The following TMC2 variants were observed in gnomAD, a reference collection of about 807,000 sequenced individuals.
TMC2 encodes transmembrane channel-like protein 2.
A neutral mutation model predicts 105.9 loss-of-function variants in TMC2; 102 were observed. The observed-to-expected ratio is 0.96, with a 90% CI of 0.82 to 1.14. The LOEUF is 1.14. TMC2 is among the 50% of genes most tolerant of loss of function. TMC2 has a pLI of 0.00. For missense variants in TMC2, 1,093 were observed against 1,134.3 expected (o/e 0.96, Z 0.52); for synonymous variants, 402 against 422.8 (o/e 0.95, Z 0.60).
At chr20:2,570,591 A>G (rs1245513780) in intron 4 of TMC2, among the ~76,000 whole-genome samples, 2 of 152,200 alleles carry the variant, frequency 1.3e-5, no homozygotes, top group East Asian at 3.8e-4. Flanking sequence ...CAATCTACAG[A>G]TTCAATGCTA....
In TMC2 at chr20:2,579,906, T is replaced by C. The variant is rs780917189; in HGVS notation, c.728-44T>C. ...ATAAAGTGCTCAATAGTGTCCATTT[T>C]TTCCTTCTGCAGCACTCATACCCAC... On this transcript the variant is annotated intron_variant, in intron 6 of 19. Coordinates refer to ENST00000358864, the MANE Select transcript of TMC2 (RefSeq NM_080751.3). The C allele has an allele frequency of 3.0e-6, 4 of 1,352,990 alleles. No homozygotes were observed. In the African/African-American group the frequency reaches 4.3e-5, roughly 15 times the overall value. The allele number at this position is 1,352,990 out of a possible 1,614,324, so 83.8% of individuals were successfully genotyped here. A position where few individuals can be genotyped will look rare whatever the true frequency, so the allele number is the denominator to read the frequency against.
chr20:2,580,387 T>C (rs2086180933), intron 7 of TMC2, among the ~76,000 whole-genome samples: 1 of 152,190 alleles, frequency 6.6e-6, no homozygotes, highest in South Asian at 2.1e-4. Context: ...AATACTTTGT[T>C]CCTTAATTAG....
chr20:2,625,259 G>A (rs2086556003), intron 17 of TMC2, among the ~76,000 whole-genome samples: 1 of 152,200 alleles, frequency 6.6e-6, no homozygotes, highest in South Asian at 2.1e-4. Context: ...AATGAGTACA[G>A]ACAACCATGT....
chr20:2,605,149 G>T (rs1317342355), intron 11 of TMC2, among the ~76,000 whole-genome samples: 1 of 152,118 alleles, frequency 6.6e-6, no homozygotes, highest in Non-Finnish European at 1.5e-5. Flanking sequence ...GAATTGAATT[G>T]AATTTTACGC....
chr20:2,592,547 T>G lies in TMC2; in HGVS notation c.933+139T>G. ...ATCCCAGCACTAAGCTAAATGAGCT[T>G]GCAAACCATGTCTCTGCACAGTCTT... On this transcript the variant is annotated intron_variant, in intron 8 of 19. Coordinates refer to ENST00000358864, the MANE Select transcript of TMC2 (RefSeq NM_080751.3). The surrounding 1 kb of genome is among the most constrained non-coding windows in gnomAD (Gnocchi z 4.9). 1 of 654,490 alleles carries G rather than the reference T, an allele frequency of 1.5e-6. No individual in the cohort carries two copies. Among genetic ancestry groups the G allele is most frequent in the Admixed American group, 2.3e-5 (1 of 42,896 alleles). 40.5% of individuals were successfully genotyped at this position (654,490 alleles called of 1,614,324 possible).
rs564508831 is a variant in TMC2, at chr20:2,573,646, T to C, written c.645+1377T>C. On this transcript the variant is annotated intron_variant, in intron 5 of 19. Transcript: ENST00000358864. ...CGCGACCTCGGCTCACTGCGAGCTC[T>C]GCCTCCCGGGTTCACGCCATTCTCC... 7.9e-4 allele frequency among the ~76,000 whole-genome samples: 118 copies of C among 149,660 alleles called. 1 individual carries two copies. The highest frequency in any genetic ancestry group is 2.4e-3 in the African/African-American group (99 of 40,604).
intron 2 of TMC2, among the ~76,000 whole-genome samples, chr20:2,542,521 T>C (rs2085896461): frequency 6.6e-6 from 1 of 152,146 alleles, no homozygotes; most frequent in South Asian, 2.1e-4. Context: ...GCGACATATA[T>C]CTAATTGCCT....
At chr20:2,601,423 T>C (rs769593927) in intron 10 of TMC2, among the ~76,000 whole-genome samples, 34 of 152,354 alleles carry the variant, frequency 2.2e-4, no homozygotes, top group Middle Eastern at 3.4e-3. Flanking sequence ...TAAGATTCAG[T>C]TGGAATCTAT....
At position 2,592,236 on chromosome 20, in the gene TMC2, A is replaced by G; in HGVS notation, c.835-74A>G. The G allele has an allele frequency of 1.1e-6, 1 of 895,492 alleles. No homozygotes were observed. Among genetic ancestry groups the G allele is most frequent in the Non-Finnish European group, 1.8e-6 (1 of 542,374 alleles). The allele number at this position is 895,492 out of a possible 1,614,324, so 55.5% of individuals were successfully genotyped here. ...TTCCGCTCTGAGAAGGAAAGCATTT[A>G]CCCCAGTATATGAATGTCTCTGTGT... On this transcript the variant is annotated intron_variant, in intron 7 of 19. Transcript: ENST00000358864. This position sits in a 1 kb window ranked among gnomAD's most constrained non-coding sequence, Gnocchi z 4.9.
At position 2,616,055 on chromosome 20, in the gene TMC2, G is replaced by A; in HGVS notation, c.1873-82G>A. 8.8e-7 allele frequency: 1 copy of A among 1,132,918 alleles called. No individual in the cohort carries two copies. Among genetic ancestry groups the A allele is most frequent in the South Asian group, 1.3e-5 (1 of 77,090 alleles). 70.2% of individuals were successfully genotyped at this position (1,132,918 alleles called of 1,614,324 possible). On this transcript the variant is annotated intron_variant, in intron 14 of 19. Transcript: ENST00000358864. This position sits in a 1 kb window ranked among gnomAD's most constrained non-coding sequence, Gnocchi z 4.8. ...TGGAATGGCCTTGGCTTGGCCAGTT[G>A]GTTGGTAGTAGGGTTTGGCTGAATT...
rs991432487 is a variant in TMC2, at chr20:2,597,386, T to C, written c.1224+88T>C. The C allele has an allele frequency of 4.4e-6, 6 of 1,358,624 alleles. No individual in the cohort carries two copies. The Admixed American group carries it at 1.2e-4, about 28-fold the overall frequency. The allele number at this position is 1,358,624 out of a possible 1,614,324, so 84.2% of individuals were successfully genotyped here. On this transcript the variant is annotated intron_variant, in intron 10 of 19. Coordinates refer to ENST00000358864, the MANE Select transcript of TMC2 (RefSeq NM_080751.3). ...CTTCTCCCAGCTGGGACATAGAAAATAAGGTCCTCAAATAATTTGTGGCAA... is the reference window on the plus strand; with the variant it reads ...CTTCTCCCAGCTGGGACATAGAAAACAAGGTCCTCAAATAATTTGTGGCAA...
intron 17 of TMC2, among the ~76,000 whole-genome samples, chr20:2,631,606 G>A (rs749261201): frequency 6.6e-6 from 1 of 151,680 alleles, no homozygotes; most frequent in Non-Finnish European, 1.5e-5. Flanking sequence ...TGGCCTCCAT[G>A]GTTTATATGA....
At chr20:2,557,213 T>C (rs1436382428) in intron 2 of TMC2, among the ~76,000 whole-genome samples, 2 of 152,248 alleles carry the variant, frequency 1.3e-5, no homozygotes, top group Admixed American at 1.3e-4. Context: ...CCATTACACA[T>C]ATGTTACTCC....
chr20:2,629,781 G>A (rs2086590366), intron 17 of TMC2, among the ~76,000 whole-genome samples: 1 of 152,196 alleles, frequency 6.6e-6, no homozygotes, highest in African/African-American at 2.4e-5. Context: ...TTTTCCTTTG[G>A]TGTAGACCAG....
intron 3 of TMC2, among the ~76,000 whole-genome samples, chr20:2,560,609 G>A (rs965654959): frequency 1.1e-4 from 16 of 152,134 alleles, no homozygotes; most frequent in African/African-American, 3.9e-4. Context: ...AGGCCGAGGT[G>A]GGTGGATCGC....
chr20:2,572,204 T>C lies in TMC2; in HGVS notation c.580T>C (p.Tyr194His). 6.2e-7 allele frequency: 1 copy of C among 1,611,948 alleles called. No individual in the cohort carries two copies. Among genetic ancestry groups the C allele is most frequent in the Non-Finnish European group, 8.5e-7 (1 of 1,179,616 alleles). Residue 194 changes from tyrosine to histidine, a missense_variant, in exon 5 of 20, where the codon TAT (tyrosine) becomes CAT (histidine). By Grantham distance (83) the Tyr-to-His change is moderately conservative. Coordinates refer to ENST00000358864, the MANE Select transcript of TMC2 (RefSeq NM_080751.3). ...LREAQEFVEK[Y>H]EGALGKGKGK... ...GGAGGCCCAGGAATTTGTGGAGAAG[T>C]ATGAAGGTGCCTTGGGAAAGGGGAA...
intron 17 of TMC2, among the ~76,000 whole-genome samples, chr20:2,633,416 C>T (rs891157154): frequency 2.0e-5 from 3 of 152,240 alleles, no homozygotes; most frequent in African/African-American, 7.2e-5. Flanking sequence ...TTAAAGCCCC[C>T]ATTGGACATC....
chr20:2,553,027 C>T (rs1011950359), intron 2 of TMC2, among the ~76,000 whole-genome samples: 4 of 152,294 alleles, frequency 2.6e-5, no homozygotes, highest in South Asian at 2.1e-4. Flanking sequence ...TCTACATAGA[C>T]AATTATACTA....
intron 13 of TMC2, 57 bp downstream of exon 13, chr20:2,612,397 C>T: frequency 7.2e-7 from 1 of 1,397,548 alleles, no homozygotes; most frequent in Non-Finnish European, 9.4e-7. Flanking sequence ...TTGTTATTCC[C>T]TCCTTGATGT....
Sources: allele counts gnomAD v4.1 joint callset (sites outside exome capture counted in the v4.1 genomes callset), GRCh38; gene constraint gnomAD v4.1.1; non-coding constraint Gnocchi (gnomAD v3.1); transcripts MANE v1.5; gene names NCBI Gene and HGNC (gene_info 2026-07-23, HGNC 2026-07-21).